DHX9: variants seen among roughly 807,000 people sequenced by gnomAD.
DHX9 encodes DExH-box helicase 9, also known as ATP-dependent RNA helicase A.
In DHX9, 27 loss-of-function variants were observed where a neutral mutation model predicts 148.7. The observed-to-expected ratio is 0.18, with a 90% CI of 0.13 to 0.25. The LOEUF (loss-of-function observed/expected upper bound fraction) is 0.25, where lower values mean the gene tolerates loss of function less well. Ranked by LOEUF, DHX9 falls within the 10% of genes least tolerant of loss-of-function variation. The pLI, the probability that DHX9 is intolerant of heterozygous loss-of-function variation, is 1.00. For missense variants in DHX9, 796 were observed against 1,559.6 expected, an observed-to-expected ratio of 0.51 and a Z score of 8.25; for synonymous variants, 529 against 516.6, an observed-to-expected ratio of 1.02 and a Z score of -0.33.
intron 26 of DHX9, among the ~76,000 whole-genome samples, 173 bp from the exon 27 acceptor site, chr1:182,884,440 C>T (rs1649228798): frequency 6.6e-6 from 1 of 151,418 alleles, no homozygotes; most frequent in African/African-American, 2.4e-5. Context: ...TATAACTACT[C>T]TTCATATCTG....
Position 182,852,244 on chromosome 1 carries a change from G to A in DHX9, c.264G>A (p.Pro88=), listed in dbSNP as rs762027336. ...EEVPAFGVAS[P]PPLTDTPDTT... ...TTTTTCTTTTGCAGGTAGCATCTCCGCCCCCACTTACTGATACTCCTGACA... is the reference window on the plus strand; with the variant it reads ...TTTTTCTTTTGCAGGTAGCATCTCCACCCCCACTTACTGATACTCCTGACA... The change falls in exon 4 of 28, where the codon CCG becomes CCA. Residue 88 remains proline (P), a synonymous_variant. Transcript: ENST00000367549. 21 of 1,606,600 alleles carry A rather than the reference G, an allele frequency of 1.3e-5. No homozygotes were observed. The highest frequency in any genetic ancestry group is 8.9e-5 in the South Asian group (8 of 89,876).
intron 2 of DHX9, 36 bp from the exon 3 acceptor site, chr1:182,843,258 A>C (rs747023062): frequency 6.7e-7 from 1 of 1,500,330 alleles, no homozygotes; most frequent in Non-Finnish European, 8.8e-7. Flanking sequence ...AGAATTACCC[A>C]GGTCAGTCTC....
In DHX9 at chr1:182,879,367, T is replaced by C; in HGVS notation, c.2469T>C (p.Pro823=). The C allele has an allele frequency of 1.3e-6, 2 of 1,527,306 alleles. No individual in the cohort carries two copies. 94.6% of individuals were successfully genotyped at this position (1,527,306 alleles called of 1,614,324 possible). A position where few individuals can be genotyped will look rare whatever the true frequency, so the allele number is the denominator to read the frequency against. The part of the protein sequence containing the change: ...IGQFLAKAIE[P]PPLDAVIEAE... Reference sequence around the variant, plus strand: ...AATTTCTGGCCAAAGCAATTGAACCTCCCCCTTTGGATGCTGTGATTGAAG... The same window carrying C: ...AATTTCTGGCCAAAGCAATTGAACCCCCCCCTTTGGATGCTGTGATTGAAG... Residue 823 remains proline (P), a synonymous_variant, in exon 21 of 28, where the codon CCT becomes CCC. Coordinates refer to ENST00000367549, the MANE Select transcript of DHX9 (RefSeq NM_001357.5).
chr1:182,865,800 C>G (rs970180228), intron 12 of DHX9, among the ~76,000 whole-genome samples: 1 of 152,168 alleles, frequency 6.6e-6, no homozygotes, highest in Non-Finnish European at 1.5e-5. Flanking sequence ...AAGTAAAGAT[C>G]GTTTTTGTAC....
At chr1:182,844,383 TTTTTG>T (rs1264816243) in intron 3 of DHX9, among the ~76,000 whole-genome samples, 1 of 152,130 alleles carries the variant, frequency 6.6e-6, no homozygotes, top group Non-Finnish European at 1.5e-5. Context: ...TTTTGGGGGA[TTTTTG>T]TTTTGTTTTT....
chr1:182,867,108 T>C, intron 14 of DHX9, 65 bp downstream of exon 14: 1 of 998,838 alleles, frequency 1.0e-6, no homozygotes, highest in Non-Finnish European at 1.4e-6. Flanking sequence ...ATCAGTAGAA[T>C]GTCTTTGTTT....
chr1:182,883,743 T>C, intron 26 of DHX9, 108 bp downstream of exon 26: 1 of 605,974 alleles, frequency 1.7e-6, no homozygotes, highest in Non-Finnish European at 2.7e-6. Flanking sequence ...CTAACTTAAT[T>C]ATATACTATA....
At position 182,881,622 on chromosome 1, in the gene DHX9, T is replaced by C. The variant is rs779181312; in HGVS notation, c.2889T>C (p.Ile963=). 54 of 1,607,466 alleles carry C rather than the reference T, an allele frequency of 3.4e-5. No homozygotes were observed. The highest frequency in any genetic ancestry group is 4.4e-5 in the Non-Finnish European group (52 of 1,178,386). Residue 963 remains isoleucine (I), a synonymous_variant, in exon 24 of 28, where the codon ATT becomes ATC. Transcript: ENST00000367549. ...TWEAKVQLKE[I]LINSGFPEDC... ...AAGCCAAAGTTCAGCTCAAAGAGAT[T>C]TTGATTAATTCTGGGTTTCCAGAAG...
At position 182,852,258 on chromosome 1, in the gene DHX9, A is replaced by G. The variant is rs1432939523; in HGVS notation, c.278A>G (p.Asp93Gly). 6.2e-6 allele frequency: 10 copies of G among 1,611,642 alleles called. No individual in the cohort carries two copies. The highest frequency in any genetic ancestry group is 1.6e-4 in the Middle Eastern group (1 of 6,076). ...GTAGCATCTCCGCCCCCACTTACTG[A>G]TACTCCTGACACTACAGCAAATGCT... is the stretch of plus-strand genomic sequence containing the variant. ...FGVASPPPLTDTPDTTANAEG... is the reference protein window; with the variant it reads ...FGVASPPPLTGTPDTTANAEG... Residue 93 changes from aspartate (D) to glycine (G), a missense_variant, in exon 4 of 28, where the codon GAT becomes GGT. Coordinates refer to ENST00000367549, the MANE Select transcript of DHX9 (RefSeq NM_001357.5).
At position 182,855,289 on chromosome 1, in the gene DHX9, G is replaced by A. The variant is rs977789598; in HGVS notation, c.626+1111G>A. Among the ~76,000 whole-genome samples, 9 of 152,310 alleles carry A rather than the reference G, an allele frequency of 5.9e-5. No individual in the cohort carries two copies. In the South Asian group the frequency reaches 1.7e-3, roughly 28 times the overall value. On this transcript the variant is annotated intron_variant, in intron 6 of 27. Coordinates refer to ENST00000367549, the MANE Select transcript of DHX9 (RefSeq NM_001357.5). ...GTGACTTTAAGAACAATGAGATACC[G>A]AAGTGTGCCTGAAGCTCATCGTTGC...
At chr1:182,874,793 T>A in intron 15 of DHX9, 61 bp from the exon 16 acceptor site, 1 of 1,290,378 alleles carries the variant, frequency 7.7e-7, no homozygotes, top group Non-Finnish European at 1.1e-6. Context: ...AGCAAATGAA[T>A]TTAGGTCTGC....
intron 15 of DHX9, among the ~76,000 whole-genome samples, chr1:182,874,328 G>T (rs1216655725): frequency 6.6e-6 from 1 of 152,194 alleles, no homozygotes; most frequent in Non-Finnish European, 1.5e-5. Context: ...TTAATATGAT[G>T]TGATGAGACT....
chr1:182,842,640 C>T lies in DHX9; in HGVS notation c.74C>T (p.Ala25Val). Residue 25 changes from alanine to valine, a missense_variant, in exon 2 of 28, where the codon GCA becomes GTA. Around this residue, in one of 14 missense-constraint regions of DHX9, gnomAD observed 23 missense variants for 89.5 expected, o/e 0.26. Transcript: ENST00000367549. ...RKMTPSYEIR[A>V]VGNKNRQKFM... Reference sequence around the variant, plus strand: ...ATGACCCCATCCTATGAAATTAGAGCAGTGGGGAACAAAAACAGGCAGAAA... The same window carrying T: ...ATGACCCCATCCTATGAAATTAGAGTAGTGGGGAACAAAAACAGGCAGAAA... 6.2e-7 allele frequency: 1 copy of T among 1,613,392 alleles called. No homozygotes were observed. The highest frequency in any genetic ancestry group is 8.5e-7 in the Non-Finnish European group (1 of 1,179,570).
intron 3 of DHX9, among the ~76,000 whole-genome samples, chr1:182,846,835 C>T (rs1034148156): frequency 1.3e-5 from 2 of 151,420 alleles, no homozygotes; most frequent in Non-Finnish European, 2.9e-5. Context: ...ATTTTTTCTT[C>T]TTTCCTCTTG....
intron 3 of DHX9, among the ~76,000 whole-genome samples, chr1:182,843,801 C>A (rs1667974265): frequency 6.6e-6 from 1 of 152,136 alleles, no homozygotes; most frequent in South Asian, 2.1e-4. Context: ...CATTGACACT[C>A]CCCCTGCCCC....
intron 8 of DHX9, 101 bp from the exon 9 acceptor site, chr1:182,858,450 A>G (rs1161780293): frequency 1.1e-5 from 13 of 1,164,654 alleles, no homozygotes; most frequent in East Asian, 4.7e-5. Flanking sequence ...GGAACTGACT[A>G]TTGGTTTAGG....
chr1:182,878,609 T>C (rs1648933168), intron 20 of DHX9, among the ~76,000 whole-genome samples: 1 of 152,252 alleles, frequency 6.6e-6, no homozygotes, highest in Non-Finnish European at 1.5e-5. Context: ...AAGTGTTTGC[T>C]GTTGTTAATT....
rs180709941 is a variant in DHX9 at position 182,872,713 on chromosome 1, T to A, written c.1714+220T>A. 7.7e-4 allele frequency among the ~76,000 whole-genome samples: 117 copies of A among 152,302 alleles called. 1 individual carries two copies. The highest frequency in any genetic ancestry group is 4.0e-3 in the Admixed American group (61 of 15,290). On this transcript the variant is annotated intron_variant, in intron 15 of 27. Coordinates refer to ENST00000367549, the MANE Select transcript of DHX9 (RefSeq NM_001357.5). ...GACCAGGTTTCATTTACTACTTGAG[T>A]AGTTTGCATATGCAGTAAGTTTCCA...
At chr1:182,849,233 G>A (rs1668087698) in intron 3 of DHX9, among the ~76,000 whole-genome samples, 1 of 152,076 alleles carries the variant, frequency 6.6e-6, no homozygotes, top group South Asian at 2.1e-4. Context: ...GTGGACAATT[G>A]TAGATGTGTA....
Sources: allele counts gnomAD v4.1 joint callset (sites outside exome capture counted in the v4.1 genomes callset), GRCh38; gene constraint gnomAD v4.1.1; regional missense constraint gnomAD v4.1.1; transcripts MANE v1.5; gene names NCBI Gene and HGNC (gene_info 2026-07-23, HGNC 2026-07-21).